The following RBBP8 variants were observed in gnomAD, a reference collection of about 807,000 sequenced individuals.
RBBP8 encodes the protein DNA endonuclease RBBP8.
RBBP8 carries 88 observed loss-of-function variants against 108.3 expected under a neutral mutation model. The ratio of observed to expected loss-of-function variants is 0.81; its 90% CI spans 0.68 to 0.97. The LOEUF (loss-of-function observed/expected upper bound fraction) is 0.97, where lower values mean the gene tolerates loss of function less well. Among genes scored for constraint, RBBP8 ranks in the 50% least tolerant of loss-of-function variants. RBBP8 has a pLI of 0.00. For missense variants in RBBP8, 1,023 were observed against 1,049.0 expected, an observed-to-expected ratio of 0.98 and a Z score of 0.34; for synonymous variants, 332 against 348.2, an observed-to-expected ratio of 0.95 and a Z score of 0.52.
In RBBP8 at chr18:22,936,840, A is replaced by C; in HGVS notation, c.-12A>C. ...TATTAAGCAAGTAGAAGTGTGGAGC[A>C]TATTAAGCAAGATGAACATCTCGGG... On this transcript the variant is annotated 5_prime_UTR_variant, in exon 2 of 19. Transcript: ENST00000327155. The C allele has an allele frequency of 6.2e-7, 1 of 1,614,074 alleles. No individual in the cohort carries two copies. Among genetic ancestry groups the C allele is most frequent in the Non-Finnish European group, 8.5e-7 (1 of 1,179,976 alleles).
At chr18:23,005,500 A>G (rs1040899079) in intron 15 of RBBP8, among the ~76,000 whole-genome samples, 3 of 151,852 alleles carry the variant, frequency 2.0e-5, no homozygotes, top group Non-Finnish European at 4.4e-5. Flanking sequence ...GCAACCTCCA[A>G]CTCCCTGGTT....
At chr18:22,956,702 TG>T (rs1157802632) in intron 4 of RBBP8, among the ~76,000 whole-genome samples, 1 of 152,192 alleles carries the variant, frequency 6.6e-6, no homozygotes, top group Non-Finnish European at 1.5e-5. Context: ...ATTCTTAGTA[TG>T]TTAATGGGAA....
intron 17 of RBBP8, among the ~76,000 whole-genome samples, chr18:23,021,408 C>CT (rs150828845): frequency 0.027 from 4,122 of 152,220 alleles, 85 homozygotes; most frequent in East Asian, 0.082. Context: ...GAGCAGGACT[C>CT]TGTCTCTCAA....
chr18:22,997,731 T>C lies in RBBP8; in HGVS notation c.2140T>C (p.Ser714Pro). The C allele has an allele frequency of 1.9e-6, 3 of 1,563,132 alleles. No individual in the cohort carries two copies. In the Middle Eastern group the frequency reaches 5.0e-4, roughly 261 times the overall value. The part of the protein sequence containing the change: ...KKQEQKGEKS[S>P]NEERKMNDSL... ...GCAAGAGCAGAAGGGAGAAAAAAGT[T>C]CAAGTAAGATCTGTTTTTGTTTTGT... is the stretch of plus-strand genomic sequence containing the variant. The change falls in exon 14 of 19, where the codon TCA becomes CCA. Residue 714 changes from serine to proline, a missense_variant. Ser to Pro is a moderately conservative substitution (Grantham distance 74). Transcript: ENST00000327155.
chr18:22,934,360 T>G (rs770092820), intron 1 of RBBP8: 1 of 152,244 alleles, frequency 6.6e-6, no homozygotes, highest in Non-Finnish European at 1.5e-5. Flanking sequence ...TACTTGAAGA[T>G]AGATACGTAA....
At chr18:22,930,850 C>T (rs1004145583), upstream of RBBP8, among the ~76,000 whole-genome samples, 2 of 152,144 alleles carry the variant, frequency 1.3e-5, no homozygotes, top group African/African-American at 4.8e-5. Flanking sequence ...TAGTTCACTG[C>T]AGCCTTGAAC....
At chr18:22,937,614 G>T (rs2144402095) in intron 2 of RBBP8, among the ~76,000 whole-genome samples, 1 of 150,326 alleles carries the variant, frequency 6.7e-6, no homozygotes, top group Admixed American at 6.7e-5. Flanking sequence ...CTGTAGTTGG[G>T]ACCATAGGCA....
chr18:22,926,378 G>T (rs536160885), intron 3 of RBBP8, among the ~76,000 whole-genome samples: 1 of 152,272 alleles, frequency 6.6e-6, no homozygotes, highest in Non-Finnish European at 1.5e-5. Context: ...AGCCAAGATC[G>T]TGCCACTGCA....
chr18:22,993,342 A>G lies in RBBP8; in HGVS notation c.1515A>G (p.Lys505=). ...DRFSAIQRQE[K]SQGSETSKNK... ...TTTCAGCTATTCAGCGTCAAGAGAA[A>G]AGCCAAGGAAGTGAGACTTCTAAAA... is the stretch of plus-strand genomic sequence containing the variant. Residue 505 remains lysine, a synonymous_variant, in exon 11 of 19, where the codon AAA becomes AAG. Transcript: ENST00000327155. The G allele has an allele frequency of 6.2e-7, 1 of 1,614,274 alleles. No individual in the cohort carries two copies.
At chr18:23,005,957 C>T (rs190945800) in intron 15 of RBBP8, among the ~76,000 whole-genome samples, 3,720 of 151,850 alleles carry the variant, frequency 0.024, 72 homozygotes, top group Non-Finnish European at 0.039. Context: ...GAGGCCGAGG[C>T]GGGCGGATCA....
chr18:23,022,651 T>TAAAATAAAATAA (rs370599195), intron 18 of RBBP8, among the ~76,000 whole-genome samples: 12 of 84,200 alleles, frequency 1.4e-4, no homozygotes, highest in African/African-American at 3.5e-4. Flanking sequence ...TAAAATACAA[T>TAAAATAAAATAA]ATAAAATAAA....
chr18:22,920,099 G>A (rs115686634), intron 3 of RBBP8, among the ~76,000 whole-genome samples: 90 of 152,118 alleles, frequency 5.9e-4, no homozygotes, highest in African/African-American at 2.1e-3. Flanking sequence ...ACGGTAAGCG[G>A]ATTGCTTGAG....
chr18:22,920,533 C>G (rs1284255587), intron 3 of RBBP8, among the ~76,000 whole-genome samples: 2 of 152,142 alleles, frequency 1.3e-5, no homozygotes, highest in Non-Finnish European at 2.9e-5. Flanking sequence ...AATCTATTCC[C>G]TTGAAAGTTC....
chr18:22,917,714 G>A (rs1485541107), intron 3 of RBBP8, among the ~76,000 whole-genome samples: 1 of 152,056 alleles, frequency 6.6e-6, no homozygotes, highest in Non-Finnish European at 1.5e-5. Context: ...AAGATATAAT[G>A]TTGGGGCCGG....
At chr18:22,967,309 TG>T (rs922559827) in intron 4 of RBBP8, among the ~76,000 whole-genome samples, 23 of 146,124 alleles carry the variant, frequency 1.6e-4, no homozygotes, top group African/African-American at 5.8e-4. Context: ...GAGCTTGCAG[TG>T]AGCTGAGATT....
intron 4 of RBBP8, 46 bp from the exon 5 acceptor site, chr18:22,968,760 G>A (rs754462184): frequency 3.3e-6 from 5 of 1,497,786 alleles, no homozygotes; most frequent in African/African-American, 1.4e-5. Flanking sequence ...TTCCAAAGAA[G>A]GAAATCTCTT....
At chr18:22,954,189 CTAGAATCT>C (rs1357936404) in intron 4 of RBBP8, among the ~76,000 whole-genome samples, 7 of 152,154 alleles carry the variant, frequency 4.6e-5, no homozygotes, top group African/African-American at 1.4e-4. Context: ...CCACAGTCGC[CTAGAATCT>C]TAACTCATTA....
chr18:22,930,663 T>C (rs1909988888), upstream of RBBP8, among the ~76,000 whole-genome samples: 1 of 152,178 alleles, frequency 6.6e-6, no homozygotes, highest in South Asian at 2.1e-4. Flanking sequence ...TACATAGAAA[T>C]GGGATCCACC....
chr18:23,022,317 T>C, intron 18 of RBBP8, 47 bp downstream of exon 18: 1 of 1,552,180 alleles, frequency 6.4e-7, no homozygotes, highest in Non-Finnish European at 8.8e-7. Flanking sequence ...TTTTAAATAC[T>C]TGGCCGGGCA....
Sources: allele counts gnomAD v4.1 joint callset (sites outside exome capture counted in the v4.1 genomes callset), GRCh38; gene constraint gnomAD v4.1.1; transcripts MANE v1.5; gene names NCBI Gene and HGNC (gene_info 2026-07-23, HGNC 2026-07-21).